Variants in FHOD3 observed in about 807,000 individuals in gnomAD.
FHOD3 encodes the protein FH1/FH2 domain-containing protein 3.
FHOD3 carries 90 observed loss-of-function variants against 173.0 expected under a neutral mutation model. That is an observed-to-expected ratio of 0.52 (90% CI 0.44 to 0.62). The LOEUF is 0.62. FHOD3 is among the 20% of genes least tolerant of loss of function. FHOD3 has a pLI of 0.00. For missense variants in FHOD3, 1,945 were observed against 2,034.7 expected, an observed-to-expected ratio of 0.96 and a Z score of 0.85; for synonymous variants, 828 against 823.0, an observed-to-expected ratio of 1.01 and a Z score of -0.10.
chr18:36,345,566 G>A (rs2045840465), intron 1 of FHOD3, among the ~76,000 whole-genome samples: 1 of 152,164 alleles, frequency 6.6e-6, no homozygotes, highest in Non-Finnish European at 1.5e-5. Flanking sequence ...AGCCTTCTGA[G>A]TAGCTGGGAC....
chr18:36,356,196 A>T (rs2046351762), intron 2 of FHOD3, among the ~76,000 whole-genome samples: 1 of 152,274 alleles, frequency 6.6e-6, no homozygotes, highest in South Asian at 2.1e-4. Flanking sequence ...GTTTCTTAGC[A>T]GATGCTATAG....
rs150087238 is a variant in FHOD3 at position 36,373,850 on chromosome 18, G to A, written c.337+1106G>A. On this transcript the variant is annotated intron_variant, in intron 3 of 28. Coordinates refer to ENST00000590592, the MANE Select transcript of FHOD3 (RefSeq NM_001281740.3). ...TCGTGGCTTTTTTATTACCTGCTTCGTGTTTTCCCAGTGATTTCATATGTA... is the reference window on the plus strand; with the variant it reads ...TCGTGGCTTTTTTATTACCTGCTTCATGTTTTCCCAGTGATTTCATATGTA... Among the ~76,000 whole-genome samples the A allele has an allele frequency of 3.8e-3, 583 of 152,224 alleles. 6 individuals carry two copies. Among genetic ancestry groups the A allele is most frequent in the Middle Eastern group, 0.014 (4 of 294 alleles).
chr18:36,661,785 G>A (rs1337457894), intron 14 of FHOD3, among the ~76,000 whole-genome samples: 2 of 152,116 alleles, frequency 1.3e-5, no homozygotes, highest in Non-Finnish European at 1.5e-5. Context: ...ATTAAGTCAA[G>A]GATATTAAAA....
chr18:36,675,176 C>T lies in FHOD3; in HGVS notation c.1836-6260C>T, dbSNP rs114668376. 4.3e-3 allele frequency among the ~76,000 whole-genome samples: 657 copies of T among 152,204 alleles called. 5 individuals carry two copies. The highest frequency in any genetic ancestry group is 0.015 in the African/African-American group (605 of 41,524). On this transcript the variant is annotated intron_variant, in intron 14 of 28. Transcript: ENST00000590592. ...TAATCATGTCCCCACCCTCCATGGCCACCTCCGTGCACCAGAAATCAGGGT... is the reference window on the plus strand; with the variant it reads ...TAATCATGTCCCCACCCTCCATGGCTACCTCCGTGCACCAGAAATCAGGGT...
chr18:36,427,286 TAAAAAAAAAAAAA>T (rs35854743), intron 3 of FHOD3, among the ~76,000 whole-genome samples: 9 of 79,488 alleles, frequency 1.1e-4, no homozygotes, highest in African/African-American at 3.6e-4. Context: ...CTTGCTTCTC[TAAAAAAAAAAAAA>T]AAAAAAAAAA....
chr18:36,654,522 A>T (rs769148051), intron 13 of FHOD3, among the ~76,000 whole-genome samples: 5 of 152,194 alleles, frequency 3.3e-5, no homozygotes, highest in Admixed American at 2.6e-4. Flanking sequence ...ACACCTATGT[A>T]TACCTACTTG....
chr18:36,780,029 A>T lies in FHOD3; in HGVS notation c.*499A>T, dbSNP rs2150507502. 3 of 730,800 alleles carry T rather than the reference A, an allele frequency of 4.1e-6. No homozygotes were observed. In the East Asian group the frequency reaches 1.0e-4, roughly 25 times the overall value. 45.3% of individuals were successfully genotyped at this position (730,800 alleles called of 1,614,324 possible). ...ATACATACATGTACACCATGTTTCA[A>T]ATACTAAATAAATAGAGTTTAATGC... On this transcript the variant is annotated 3_prime_UTR_variant, in exon 29 of 29. Transcript: ENST00000590592.
chr18:36,537,093 A>G (rs186221004), intron 5 of FHOD3, among the ~76,000 whole-genome samples: 108 of 152,292 alleles, frequency 7.1e-4, no homozygotes, highest in African/African-American at 2.5e-3. Flanking sequence ...TGTCTGTTGC[A>G]TCAGGCTTAG....
intron 14 of FHOD3, among the ~76,000 whole-genome samples, chr18:36,674,964 C>T (rs895991544): frequency 6.6e-6 from 1 of 152,168 alleles, no homozygotes; most frequent in African/African-American, 2.4e-5. Flanking sequence ...TGTACTGTTA[C>T]TTCTGGGGAT....
chr18:36,757,736 A>G (rs2042693009), intron 25 of FHOD3, among the ~76,000 whole-genome samples: 1 of 152,186 alleles, frequency 6.6e-6, no homozygotes, highest in South Asian at 2.1e-4. Context: ...GGGTATTCAG[A>G]AGGCTTCCTT....
At chr18:36,564,900 A>G (rs568451513) in intron 5 of FHOD3, among the ~76,000 whole-genome samples, 2 of 152,286 alleles carry the variant, frequency 1.3e-5, no homozygotes, top group South Asian at 4.2e-4. Context: ...AAAAATTTGC[A>G]TTGCAAATGC....
chr18:36,624,021 G>A (rs564082528), intron 9 of FHOD3, among the ~76,000 whole-genome samples: 1 of 152,338 alleles, frequency 6.6e-6, no homozygotes, highest in East Asian at 1.9e-4. Flanking sequence ...CTCTCACATG[G>A]AAGGACTGGG....
At chr18:36,451,414 T>C (rs2051834943) in intron 3 of FHOD3, among the ~76,000 whole-genome samples, 1 of 152,220 alleles carries the variant, frequency 6.6e-6, no homozygotes, top group Non-Finnish European at 1.5e-5. Context: ...TCAAAAGCAC[T>C]CACACTGGTA....
intron 5 of FHOD3, among the ~76,000 whole-genome samples, chr18:36,518,205 G>A (rs1157996410): frequency 6.6e-6 from 1 of 152,210 alleles, no homozygotes; most frequent in Non-Finnish European, 1.5e-5. Flanking sequence ...AGAATTTCTT[G>A]CTTCCTGAAC....
At chr18:36,334,081 G>A (rs1410776618) in intron 1 of FHOD3, among the ~76,000 whole-genome samples, 1 of 152,112 alleles carries the variant, frequency 6.6e-6, no homozygotes, top group Non-Finnish European at 1.5e-5. Context: ...GTTGAGTGTG[G>A]TCCCCCCACA....
intron 9 of FHOD3, among the ~76,000 whole-genome samples, chr18:36,618,029 CTTTGTG>C (rs1398361575): frequency 1.4e-5 from 2 of 148,126 alleles, no homozygotes; most frequent in Non-Finnish European, 1.5e-5. Context: ...TTATTTCTTA[CTTTGTG>C]TTTGTGACTT....
chr18:36,746,328 C>T (rs971013782), intron 23 of FHOD3, among the ~76,000 whole-genome samples: 1 of 152,202 alleles, frequency 6.6e-6, no homozygotes, highest in African/African-American at 2.4e-5. Context: ...TACAGTTAGC[C>T]TCCTTGAGAA....
At chr18:36,510,386 T>C (rs2055568869) in intron 4 of FHOD3, among the ~76,000 whole-genome samples, 2 of 152,252 alleles carry the variant, frequency 1.3e-5, no homozygotes, top group South Asian at 2.1e-4. Context: ...TAATTATCAA[T>C]AAATTTCTCC....
chr18:36,747,747 A>T (rs568158548), intron 24 of FHOD3, among the ~76,000 whole-genome samples: 2 of 152,228 alleles, frequency 1.3e-5, no homozygotes, highest in Non-Finnish European at 2.9e-5. Flanking sequence ...ATGGCTGTCC[A>T]GGGCCGTGCC....
Sources: allele counts gnomAD v4.1 joint callset (sites outside exome capture counted in the v4.1 genomes callset), GRCh38; gene constraint gnomAD v4.1.1; transcripts MANE v1.5; gene names NCBI Gene and HGNC (gene_info 2026-07-23, HGNC 2026-07-21).